The following AADAT variants were observed in gnomAD, a reference collection of about 807,000 sequenced individuals.
AADAT encodes the protein aminoadipate aminotransferase.
AADAT carries 25 observed loss-of-function variants against 56.2 expected under a neutral mutation model. That is an observed-to-expected ratio of 0.44 (90% CI 0.32 to 0.62). The LOEUF is 0.62. AADAT is among the 20% of genes least tolerant of loss of function. The pLI, the probability that AADAT is intolerant of heterozygous loss-of-function variation, is 0.04. For missense variants in AADAT, 387 were observed against 510.5 expected, an observed-to-expected ratio of 0.76 and a Z score of 2.33; for synonymous variants, 173 against 164.7, an observed-to-expected ratio of 1.05 and a Z score of -0.39.
intron 5 of AADAT, among the ~76,000 whole-genome samples, chr4:170,071,114 C>T (rs199732483): frequency 2.6e-5 from 4 of 152,066 alleles, no homozygotes; most frequent in African/African-American, 9.7e-5. Context: ...GGTTTCACCA[C>T]GTTGGCCAGG....
upstream of AADAT, among the ~76,000 whole-genome samples, chr4:170,092,032 A>C (rs1218005400): frequency 6.6e-6 from 1 of 152,228 alleles, no homozygotes; most frequent in Non-Finnish European, 1.5e-5. Flanking sequence ...TAAACGCACC[A>C]ATCAGCACCC....
At chr4:170,061,370 G>C (rs1380547471) in intron 12 of AADAT, among the ~76,000 whole-genome samples, 1 of 152,096 alleles carries the variant, frequency 6.6e-6, no homozygotes, top group Non-Finnish European at 1.5e-5. Flanking sequence ...AGTAAATAAA[G>C]AACATGCCAA....
At chr4:170,084,128 C>T (rs1732442150) in intron 3 of AADAT, among the ~76,000 whole-genome samples, 1 of 152,044 alleles carries the variant, frequency 6.6e-6, no homozygotes, top group African/African-American at 2.4e-5. Flanking sequence ...TGAAATAAGC[C>T]AAGTATAGAA....
chr4:170,073,260 C>T lies in AADAT; in HGVS notation c.530G>A (p.Arg177Lys), dbSNP rs765548846. 6.2e-7 allele frequency: 1 copy of T among 1,614,092 alleles called. No individual in the cohort carries two copies. The highest frequency in any genetic ancestry group is 1.3e-5 in the African/African-American group (1 of 75,010). ...ATTCTTTGCATCTTCTGGTTTCCAT[C>T]TGGAAAGTATGTCTCTTAGGGAATC... ...VPDSLRDILS[R>K]WKPEDAKNPQ... The change falls in exon 5 of 13, where the codon AGA becomes AAA. Residue 177 changes from arginine (R) to lysine (K), a missense_variant. Transcript: ENST00000337664.
At chr4:170,076,174 C>T (rs575247398) in intron 4 of AADAT, among the ~76,000 whole-genome samples, 1 of 152,248 alleles carries the variant, frequency 6.6e-6, no homozygotes, top group South Asian at 2.1e-4. Context: ...CAAACTTTCC[C>T]ACAGTGGCCA....
intron 5 of AADAT, among the ~76,000 whole-genome samples, chr4:170,071,452 C>T (rs1412271696): frequency 6.6e-6 from 1 of 152,190 alleles, no homozygotes; most frequent in Non-Finnish European, 1.5e-5. Context: ...CTAAAAAGGA[C>T]AGTGCGGCTG....
intron 12 of AADAT, 52 bp downstream of exon 12, chr4:170,061,839 TA>T: frequency 3.7e-6 from 5 of 1,369,846 alleles, no homozygotes; most frequent in Admixed American, 4.1e-5. Flanking sequence ...ACACGTGCAT[TA>T]AAAAAACAGA....
At chr4:170,091,234 G>A (rs978357443), upstream of AADAT, among the ~76,000 whole-genome samples, 1 of 152,304 alleles carries the variant, frequency 6.6e-6, no homozygotes, top group East Asian at 1.9e-4. Flanking sequence ...TGTGTAGGGA[G>A]AGGCACGGGC....
intron 4 of AADAT, among the ~76,000 whole-genome samples, chr4:170,073,659 C>G (rs1380413051): frequency 6.6e-6 from 1 of 151,954 alleles, no homozygotes; most frequent in African/African-American, 2.4e-5. Flanking sequence ...GCCACCACGC[C>G]CAGGTAATTT....
chr4:170,069,281 C>T (rs138804291), intron 6 of AADAT, 51 bp from the exon 7 acceptor site: 133 of 1,450,232 alleles, frequency 9.2e-5, no homozygotes, highest in Non-Finnish European at 1.0e-4. Flanking sequence ...CTGTTAGTCA[C>T]TGTACGATTA....
chr4:170,082,073 T>TA (rs1173334633), intron 3 of AADAT, among the ~76,000 whole-genome samples: 18 of 152,206 alleles, frequency 1.2e-4, no homozygotes, highest in Admixed American at 5.2e-4. Flanking sequence ...CTTTTCAAGG[T>TA]AAAAAATACA....
At position 170,060,897 on chromosome 4, in the gene AADAT, G is replaced by A. The variant is rs1304249427; in HGVS notation, c.*31C>T. ...CCCAAAGTGCTGGGATTATAGGTGT[G>A]AGCCACCATGCCCAACCTAGTTTAA... is the stretch of plus-strand genomic sequence containing the variant. On this transcript the variant is annotated 3_prime_UTR_variant, in exon 13 of 13. Transcript: ENST00000337664. 4 of 1,528,608 alleles carry A rather than the reference G, an allele frequency of 2.6e-6. No homozygotes were observed. The highest frequency in any genetic ancestry group is 1.9e-4 in the Middle Eastern group (1 of 5,148). The allele number at this position is 1,528,608 out of a possible 1,614,324, so 94.7% of individuals were successfully genotyped here.
At chr4:170,062,273 C>G (rs1054224724) in intron 11 of AADAT, among the ~76,000 whole-genome samples, 2 of 152,148 alleles carry the variant, frequency 1.3e-5, no homozygotes, top group African/African-American at 4.8e-5. Context: ...CAAATTTCAG[C>G]TTTAATGTAG....
intron 4 of AADAT, among the ~76,000 whole-genome samples, chr4:170,075,547 A>G (rs1731993279): frequency 1.3e-5 from 2 of 152,216 alleles, no homozygotes; most frequent in South Asian, 2.1e-4. Context: ...GACCTCAAGT[A>G]ATCCTTCAGC....
chr4:170,063,509 T>C lies in AADAT; in HGVS notation c.1134+1210A>G, dbSNP rs183342276. ...GATTTATTATACTACAATGCATTTA[T>C]TTGAAGTAAGTCAATTGTTTATCAA... On this transcript the variant is annotated intron_variant, in intron 11 of 12. Coordinates refer to ENST00000337664, the MANE Select transcript of AADAT (RefSeq NM_016228.4). Among the ~76,000 whole-genome samples the C allele has an allele frequency of 3.4e-3, 514 of 152,362 alleles. 4 individuals carry two copies. Among genetic ancestry groups the C allele is most frequent in the African/African-American group, 0.012 (484 of 41,590 alleles).
At chr4:170,071,977 A>G (rs950433635) in intron 5 of AADAT, among the ~76,000 whole-genome samples, 2 of 152,072 alleles carry the variant, frequency 1.3e-5, no homozygotes, top group African/African-American at 4.8e-5. Context: ...CAGGAGTTCT[A>G]TTTTGGGCAT....
intron 10 of AADAT, among the ~76,000 whole-genome samples, chr4:170,066,201 T>A (rs1200209941): frequency 6.6e-6 from 1 of 152,128 alleles, no homozygotes; most frequent in African/African-American, 2.4e-5. Flanking sequence ...TAATCACAAA[T>A]TCTTTGCAGC....
At chr4:170,067,197 G>C (rs980115238) in intron 9 of AADAT, 130 bp downstream of exon 9, 6 of 655,728 alleles carry the variant, frequency 9.2e-6, no homozygotes, top group Non-Finnish European at 1.6e-5. Context: ...ACTTATAATA[G>C]ACCGTTCCTA....
intron 7 of AADAT, 141 bp from the exon 8 acceptor site, chr4:170,068,828 ACTT>A (rs1032823426): frequency 8.5e-6 from 5 of 586,180 alleles, no homozygotes; most frequent in African/African-American, 1.9e-5. Flanking sequence ...AAAACTAACT[ACTT>A]CTTATTTCAA....
Sources: allele counts gnomAD v4.1 joint callset (sites outside exome capture counted in the v4.1 genomes callset), GRCh38; gene constraint gnomAD v4.1.1; transcripts MANE v1.5; gene names NCBI Gene and HGNC (gene_info 2026-07-23, HGNC 2026-07-21).